HOOK1: variants seen among roughly 807,000 people sequenced by gnomAD.
The protein encoded by HOOK1 is protein Hook homolog 1.
In HOOK1, 60 loss-of-function variants were observed where a neutral mutation model predicts 112.8. The ratio of observed to expected loss-of-function variants is 0.53; its 90% CI spans 0.43 to 0.66. HOOK1 has a LOEUF of 0.66. HOOK1 is among the 30% of genes least tolerant of loss of function. HOOK1 has a pLI of 0.00. For synonymous variants in HOOK1, 294 were observed against 283.8 expected, an observed-to-expected ratio of 1.04 and a Z score of -0.36; for missense variants, 770 against 856.0, an observed-to-expected ratio of 0.90 and a Z score of 1.25.
At chr1:59,828,674 A>T in intron 2 of HOOK1, 106 bp from the exon 3 acceptor site, 1 of 808,804 alleles carries the variant, frequency 1.2e-6, no homozygotes, top group Non-Finnish European at 2.0e-6. Context: ...TATTGTTATT[A>T]AGGATAGGCT....
chr1:59,828,917 A>G (rs1287234137), intron 3 of HOOK1, 65 bp downstream of exon 3: 15 of 1,266,258 alleles, frequency 1.2e-5, no homozygotes, highest in African/African-American at 1.5e-5. Flanking sequence ...CACTAAGTTA[A>G]CCAAATCTGT....
Position 59,849,157 on chromosome 1 carries a change from C to T in HOOK1, c.1216C>T (p.His406Tyr). 1 of 1,607,508 alleles carries T rather than the reference C, an allele frequency of 6.2e-7. No individual in the cohort carries two copies. The highest frequency in any genetic ancestry group is 8.5e-7 in the Non-Finnish European group (1 of 1,175,340). The change falls in exon 12 of 22, where the codon CAT becomes TAT. Residue 406 changes from histidine (H) to tyrosine (Y), a missense_variant. Physicochemically the swap from His to Tyr is moderately conservative, Grantham distance 83. Transcript: ENST00000371208. ...TGAAATGAAGCGGCTTGAAGAAAAA[C>T]ATGAAGCTTTACTTAAGGAAAAAGA... is the stretch of plus-strand genomic sequence containing the variant. ...AFEMKRLEEKHEALLKEKERL... is the reference protein window; with the variant it reads ...AFEMKRLEEKYEALLKEKERL...
At position 59,874,539 on chromosome 1, in the gene HOOK1, T is replaced by G. The variant is rs964051601; in HGVS notation, c.*1574T>G. ...GTGAATGGACAAAGAGTAAATACTT[T>G]AGTAAATGTCTTAGGCTTTGTGGCC... On this transcript the variant is annotated 3_prime_UTR_variant, in exon 22 of 22. Transcript: ENST00000371208. 6.6e-6 allele frequency: 1 copy of G among 152,208 alleles called. No individual in the cohort carries two copies. Among genetic ancestry groups the G allele is most frequent in the Non-Finnish European group, 1.5e-5 (1 of 68,018 alleles). The allele number at this position is 152,208 out of a possible 1,614,324, so 9.4% of individuals were successfully genotyped here. A position where few individuals can be genotyped will look rare whatever the true frequency, so the allele number is the denominator to read the frequency against.
rs977878142 is a variant in HOOK1 at position 59,875,313 on chromosome 1, T to C, written c.*2348T>C. The C allele has an allele frequency of 2.6e-5, 4 of 152,534 alleles. No individual in the cohort carries two copies. The highest frequency in any genetic ancestry group is 9.7e-5 in the African/African-American group (4 of 41,444). 9.4% of individuals were successfully genotyped at this position (152,534 alleles called of 1,614,324 possible). On this transcript the variant is annotated 3_prime_UTR_variant, in exon 22 of 22. Coordinates refer to ENST00000371208, the MANE Select transcript of HOOK1 (RefSeq NM_015888.6). ...TTTTTCTTAATAGAGAAAAAGGAAA[T>C]TTCTGATTTATCACTTTTCTAGTTG...
chr1:59,816,620 A>G (rs2098381727), intron 1 of HOOK1, among the ~76,000 whole-genome samples: 1 of 152,220 alleles, frequency 6.6e-6, no homozygotes, highest in Admixed American at 6.5e-5. Context: ...ATGTGACTGT[A>G]TCCACTCTTT....
chr1:59,847,020 ATACT>A (rs746893456), intron 9 of HOOK1, 21 bp from the exon 10 acceptor site: 58 of 1,556,244 alleles, frequency 3.7e-5, no homozygotes, highest in Admixed American at 6.4e-5. Context: ...GAAGTTATAA[ATACT>A]TACTTTTTTA....
intron 21 of HOOK1, among the ~76,000 whole-genome samples, chr1:59,872,124 T>C (rs1032034986): frequency 7.2e-5 from 11 of 152,230 alleles, no homozygotes; most frequent in Non-Finnish European, 1.6e-4. Flanking sequence ...ATCCATGTAC[T>C]GTACTAGTTA....
intron 20 of HOOK1, among the ~76,000 whole-genome samples, chr1:59,869,119 CAT>C (rs1644014584): frequency 1.3e-5 from 2 of 151,888 alleles, no homozygotes; most frequent in South Asian, 2.1e-4. Flanking sequence ...CTTTTAATAA[CAT>C]ATGCATAATT....
At position 59,855,941 on chromosome 1, in the gene HOOK1, TTTATATATATATATATATAAATTA is replaced by T. The variant is rs1230333065; in HGVS notation, c.1243-2467_1243-2444del. Reference sequence around the variant, plus strand: ...AGCACACTCCACCATACCCAGCTAATTTATATATATATATATATAAATTATTATATATATATATATATATTTTTT... The same window carrying T: ...AGCACACTCCACCATACCCAGCTAATTTATATATATATATATATATTTTTT... On this transcript the variant is annotated intron_variant, in intron 12 of 21. Transcript: ENST00000371208. 4.0e-3 allele frequency among the ~76,000 whole-genome samples: 253 copies of T among 62,800 alleles called. 1 individual carries two copies. The highest frequency in any genetic ancestry group is 5.7e-3 in the Non-Finnish European group (197 of 34,652). The allele number at this position is 62,800 out of a possible 152,430, so 41.2% of individuals were successfully genotyped here.
intron 2 of HOOK1, among the ~76,000 whole-genome samples, chr1:59,824,380 G>A (rs933389727): frequency 3.3e-5 from 5 of 152,010 alleles, no homozygotes; most frequent in African/African-American, 7.2e-5. Context: ...GCTAATTTTT[G>A]TATTGTTAGG....
rs1644083010 is a variant in HOOK1, at chr1:59,873,006, A to G, written c.*41A>G. On this transcript the variant is annotated 3_prime_UTR_variant, in exon 22 of 22. Transcript: ENST00000371208. Reference sequence around the variant, plus strand: ...AAACAAAACAAAAAAACCACATAAAATAGAAGTGTCCTTAAAATATTTTGT... The same window carrying G: ...AAACAAAACAAAAAAACCACATAAAGTAGAAGTGTCCTTAAAATATTTTGT... The G allele has an allele frequency of 7.3e-7, 1 of 1,368,826 alleles. No individual in the cohort carries two copies. The allele number at this position is 1,368,826 out of a possible 1,614,324, so 84.8% of individuals were successfully genotyped here. A position where few individuals can be genotyped will look rare whatever the true frequency, so the allele number is the denominator to read the frequency against.
chr1:59,815,498 C>A (rs2098380626), intron 1 of HOOK1: 1 of 387,780 alleles, frequency 2.6e-6, no homozygotes, highest in Non-Finnish European at 4.6e-6. Context: ...CCTCTTTTCT[C>A]CCCGCTGCCC....
chr1:59,818,122 C>T (rs1160331744), intron 1 of HOOK1, among the ~76,000 whole-genome samples: 2 of 152,100 alleles, frequency 1.3e-5, no homozygotes, highest in African/African-American at 4.8e-5. Context: ...AATTAGTTCT[C>T]CAGACACAGG....
rs753415528 is a variant in HOOK1, at chr1:59,876,318, A to T, written c.*3353A>T. The stretch of plus-strand genomic sequence containing the variant: ...TATTTTAAATAAATGATTGTCCATT[A>T]TCAATATAATAGTTGTGAAATGATT... On this transcript the variant is annotated 3_prime_UTR_variant, in exon 22 of 22. Coordinates refer to ENST00000371208, the MANE Select transcript of HOOK1 (RefSeq NM_015888.6). The T allele has an allele frequency of 6.6e-6, 1 of 152,636 alleles. No individual in the cohort carries two copies. Among genetic ancestry groups the T allele is most frequent in the Non-Finnish European group, 1.5e-5 (1 of 68,042 alleles). 9.5% of individuals were successfully genotyped at this position (152,636 alleles called of 1,614,324 possible).
At chr1:59,858,921 G>A in intron 13 of HOOK1, 64 bp from the exon 14 acceptor site, 4 of 870,528 alleles carry the variant, frequency 4.6e-6, no homozygotes, top group Non-Finnish European at 7.2e-6. Context: ...GGGGGGGAAG[G>A]AGGGAGGGTT....
chr1:59,850,965 T>C (rs1427571653), intron 12 of HOOK1, among the ~76,000 whole-genome samples: 1 of 151,568 alleles, frequency 6.6e-6, no homozygotes, highest in Non-Finnish European at 1.5e-5. Flanking sequence ...GTTTAAAAAT[T>C]CGTTTGACCA....
In HOOK1 at chr1:59,849,055, T is replaced by C; in HGVS notation, c.1132-18T>C. On this transcript the variant is annotated intron_variant, in intron 11 of 21. Transcript: ENST00000371208. The stretch of plus-strand genomic sequence containing the variant: ...ATATACTTTTAAGGACCTTTTTTCC[T>C]TTTGTTTCTGACATTAGGTTCAAGA... The C allele has an allele frequency of 2.6e-6, 4 of 1,544,786 alleles. No homozygotes were observed. The highest frequency in any genetic ancestry group is 3.5e-6 in the Non-Finnish European group (4 of 1,127,256).
At chr1:59,820,553 CTTT>C (rs2098384860) in intron 1 of HOOK1, among the ~76,000 whole-genome samples, 1 of 152,094 alleles carries the variant, frequency 6.6e-6, no homozygotes, top group Non-Finnish European at 1.5e-5. Context: ...TTTCCTGAAG[CTTT>C]TTTTCCTTGA....
In HOOK1 at chr1:59,848,513, G is replaced by A. The variant is rs755047577; in HGVS notation, c.1128G>A (p.Arg376=). The change falls in exon 11 of 22, where the codon AGG becomes AGA. Residue 376 remains arginine (R), a synonymous_variant. Coordinates refer to ENST00000371208, the MANE Select transcript of HOOK1 (RefSeq NM_015888.6). ...AARTQLETYK[R]QVQDLHVKLS... ...GTACACAATTAGAAACATACAAAAG[G>A]CAGGTAAGAAACATCTTAATTTTTA... 13 of 1,600,284 alleles carry A rather than the reference G, an allele frequency of 8.1e-6. No individual in the cohort carries two copies. The highest frequency in any genetic ancestry group is 6.0e-6 in the Non-Finnish European group (7 of 1,170,814).
Sources: allele counts gnomAD v4.1 joint callset (sites outside exome capture counted in the v4.1 genomes callset), GRCh38; gene constraint gnomAD v4.1.1; transcripts MANE v1.5; gene names NCBI Gene and HGNC (gene_info 2026-07-23, HGNC 2026-07-21).